The following MAST4 variants were observed in gnomAD, a reference collection of about 807,000 sequenced individuals.
The protein encoded by MAST4 is microtubule associated serine/threonine kinase family member 4.
In MAST4, 89 loss-of-function variants were observed where a neutral mutation model predicts 162.7. That is an observed-to-expected ratio of 0.55 (90% CI 0.46 to 0.65). The LOEUF is 0.65. Ranked by LOEUF, MAST4 falls within the 30% of genes least tolerant of loss-of-function variation. The pLI, the probability that MAST4 is intolerant of heterozygous loss-of-function variation, is 0.00. For missense variants in MAST4, 3,153 were observed against 3,374.0 expected, an observed-to-expected ratio of 0.93 and a Z score of 1.62; for synonymous variants, 1,479 against 1,361.1, an observed-to-expected ratio of 1.09 and a Z score of -1.91.
chr5:67,071,261 A>C (rs1760945183), intron 5 of MAST4, among the ~76,000 whole-genome samples: 1 of 151,722 alleles, frequency 6.6e-6, no homozygotes, highest in Non-Finnish European at 1.5e-5. Context: ...AACAGGAAAT[A>C]AAATAAAATA....
At position 67,078,911 on chromosome 5, in the gene MAST4, A is replaced by AATAAATAAATATAT. The variant is rs1227485756; in HGVS notation, c.764-11248_764-11247insAATAAATATATATA. Among the ~76,000 whole-genome samples the AATAAATAAATATAT allele has an allele frequency of 5.2e-4, 20 of 38,102 alleles. 1 individual carries two copies. Among genetic ancestry groups the AATAAATAAATATAT allele is most frequent in the South Asian group, 1.8e-3 (2 of 1,124 alleles). 25.0% of individuals were successfully genotyped at this position (38,102 alleles called of 152,430 possible). On this transcript the variant is annotated intron_variant, in intron 5 of 28. Coordinates refer to ENST00000403625, the MANE Select transcript of MAST4 (RefSeq NM_001164664.2). Reference sequence around the variant, plus strand: ...TTATATATTTATATATTTTTATATAAATATATATATATATATATATATATA... The same window carrying AATAAATAAATATAT: ...TTATATATTTATATATTTTTATATAAATAAATAAATATATATATATATATATATATATATATATA...
intron 1 of MAST4, among the ~76,000 whole-genome samples, chr5:66,599,993 A>G (rs146906666): frequency 7.8e-4 from 118 of 152,164 alleles, no homozygotes; most frequent in South Asian, 1.9e-3. Flanking sequence ...TCAAGCTTCT[A>G]GTATATTAGG....
chr5:66,754,148 ATC>A lies in MAST4; in HGVS notation c.364-5558_364-5557del, dbSNP rs1311375513. On this transcript the variant is annotated intron_variant, in intron 1 of 28. Coordinates refer to ENST00000403625, the MANE Select transcript of MAST4 (RefSeq NM_001164664.2). Reference sequence around the variant, plus strand: ...AATAAATTAGGTACTGATGGGACGTATCTCAAAATAATAAGAGCTATCTATGA... The same window carrying A: ...AATAAATTAGGTACTGATGGGACGTATCAAAATAATAAGAGCTATCTATGA... Among the ~76,000 whole-genome samples the A allele has an allele frequency of 2.0e-5, 3 of 152,080 alleles. 1 individual carries two copies. Among genetic ancestry groups the A allele is most frequent in the African/African-American group, 7.3e-5 (3 of 41,368 alleles).
intron 2 of MAST4, among the ~76,000 whole-genome samples, chr5:66,778,641 G>A (rs1197373046): frequency 1.3e-5 from 2 of 152,174 alleles, no homozygotes; most frequent in Non-Finnish European, 2.9e-5. Flanking sequence ...AATAAACTAT[G>A]TGTTAGCATT....
At chr5:66,885,621 A>T (rs6869266) in intron 3 of MAST4, among the ~76,000 whole-genome samples, 77 of 152,322 alleles carry the variant, frequency 5.1e-4, no homozygotes, top group African/African-American at 1.8e-3. Context: ...GGCAATTCCA[A>T]TTGCCCAGGT....
chr5:67,140,629 C>T (rs1770263291), intron 19 of MAST4, among the ~76,000 whole-genome samples: 1 of 152,262 alleles, frequency 6.6e-6, no homozygotes, highest in South Asian at 2.1e-4. Flanking sequence ...AATCTTTACC[C>T]TCTGGGGGAT....
At chr5:67,042,324 C>T (rs937259208) in intron 4 of MAST4, among the ~76,000 whole-genome samples, 1 of 152,214 alleles carries the variant, frequency 6.6e-6, no homozygotes, top group Non-Finnish European at 1.5e-5. Context: ...ATTACCCAGA[C>T]TGAATACTGA....
chr5:66,957,860 G>A (rs1351771381), intron 4 of MAST4, among the ~76,000 whole-genome samples: 1 of 152,200 alleles, frequency 6.6e-6, no homozygotes, highest in Non-Finnish European at 1.5e-5. Flanking sequence ...ACCATGGAAA[G>A]CAGACCAGAT....
rs185409760 is a variant in MAST4 at position 66,621,151 on chromosome 5, G to A, written c.363+24133G>A. On this transcript the variant is annotated intron_variant, in intron 1 of 28. Transcript: ENST00000403625. ...AGAAATACTTAAGAAAAATGAAGTC[G>A]GAGATTTACATAAATAGGTGGGAGC... Among the ~76,000 whole-genome samples the A allele has an allele frequency of 1.4e-4, 22 of 152,206 alleles. No homozygotes were observed. In the East Asian group the frequency reaches 2.5e-3, roughly 17 times the overall value.
chr5:66,734,508 G>T (rs1752046141), intron 1 of MAST4, among the ~76,000 whole-genome samples: 1 of 152,110 alleles, frequency 6.6e-6, no homozygotes, highest in Admixed American at 6.5e-5. Context: ...ATAAATAGAA[G>T]AACTTAGCCG....
At chr5:66,851,485 G>C (rs1759309649) in intron 3 of MAST4, among the ~76,000 whole-genome samples, 1 of 152,212 alleles carries the variant, frequency 6.6e-6, no homozygotes, top group Admixed American at 6.5e-5. Context: ...GATGCCTTGA[G>C]TAGCCTCAGA....
intron 4 of MAST4, among the ~76,000 whole-genome samples, chr5:67,033,187 G>A (rs1282345910): frequency 1.3e-5 from 2 of 150,024 alleles, no homozygotes; most frequent in African/African-American, 4.9e-5. Context: ...AAAAAAAAAA[G>A]AAAGAAAAAC....
intron 3 of MAST4, among the ~76,000 whole-genome samples, chr5:66,880,402 A>G (rs922602205): frequency 6.6e-6 from 1 of 152,250 alleles, no homozygotes; most frequent in African/African-American, 2.4e-5. Context: ...ATGCTTCTCT[A>G]TACTTTATAG....
At chr5:66,962,557 A>C (rs1707035124) in intron 4 of MAST4, among the ~76,000 whole-genome samples, 1 of 152,124 alleles carries the variant, frequency 6.6e-6, no homozygotes, top group South Asian at 2.1e-4. Flanking sequence ...AAAATACAAA[A>C]ATTAGCCAGG....
chr5:66,911,369 A>G (rs1245952533), intron 4 of MAST4, among the ~76,000 whole-genome samples: 2 of 152,176 alleles, frequency 1.3e-5, no homozygotes, highest in African/African-American at 4.8e-5. Context: ...CCTAGCATAG[A>G]CAGACATATT....
At chr5:66,694,488 C>G (rs985983439) in intron 1 of MAST4, among the ~76,000 whole-genome samples, 32 of 151,560 alleles carry the variant, frequency 2.1e-4, no homozygotes, top group African/African-American at 7.3e-4. Flanking sequence ...TTTTTTCTTT[C>G]TTTTTTTTCT....
intron 1 of MAST4, among the ~76,000 whole-genome samples, chr5:66,598,969 A>T (rs974689282): frequency 6.6e-6 from 1 of 152,232 alleles, no homozygotes; most frequent in Non-Finnish European, 1.5e-5. Flanking sequence ...TGGAAAGTGG[A>T]ATGATTAAAT....
At chr5:66,773,266 A>T (rs868193040) in intron 2 of MAST4, among the ~76,000 whole-genome samples, 2 of 152,196 alleles carry the variant, frequency 1.3e-5, no homozygotes, top group African/African-American at 4.8e-5. Flanking sequence ...AGTAGCCTGC[A>T]TTTGTCATTG....
chr5:66,962,153 A>G (rs1746087585), intron 4 of MAST4, among the ~76,000 whole-genome samples: 1 of 152,232 alleles, frequency 6.6e-6, no homozygotes, highest in Admixed American at 6.5e-5. Flanking sequence ...CCTCTGTGCC[A>G]ATGAAGAGCA....
Sources: gnomAD v4.1 joint callset for allele counts (sites outside exome capture counted in the v4.1 genomes callset) on GRCh38, gnomAD v4.1.1 for gene constraint, MANE v1.5 for transcripts, NCBI Gene and HGNC (gene_info 2026-07-23, HGNC 2026-07-21) for gene names.